The following SAMMSON variants were observed in gnomAD, a reference collection of about 807,000 sequenced individuals.
SAMMSON encodes the protein long intergenic non-protein coding RNA 1212.
chr3:70,163,237 G>T (rs2067623372), intron 4 of SAMMSON, among the ~76,000 whole-genome samples: 1 of 150,090 alleles, frequency 6.7e-6, no homozygotes, highest in Admixed American at 6.7e-5. Flanking sequence ...CACCACTACT[G>T]CCCTCTTTTG....
At chr3:70,055,917 C>CA (rs1559782124) in intron 3 of SAMMSON, among the ~76,000 whole-genome samples, 1 of 151,996 alleles carries the variant, frequency 6.6e-6, no homozygotes, top group Non-Finnish European at 1.5e-5. Context: ...TTCATTTACT[C>CA]AGAGATATTT....
rs1014060946 is a variant in SAMMSON, at chr3:70,418,086, A to G, written n.234-44474A>G. Among the ~76,000 whole-genome samples, 4 of 152,304 alleles carry G rather than the reference A, an allele frequency of 2.6e-5. No individual in the cohort carries two copies. In the South Asian group the frequency reaches 8.3e-4, roughly 32 times the overall value. ...GCCACATTATTGGATCAATAATCTG[A>G]CCACTAATCTCAAGTATTTCTGTCT... On this transcript the variant is annotated intron_variant and non_coding_transcript_variant, in intron 2 of 3. Transcript: ENST00000641053.
At chr3:70,268,239 G>A (rs1004129480) in intron 6 of SAMMSON, among the ~76,000 whole-genome samples, 3 of 152,142 alleles carry the variant, frequency 2.0e-5, no homozygotes, top group African/African-American at 7.2e-5. Context: ...GGGGGGCCAA[G>A]GCAGGCAGAT....
At chr3:70,093,721 G>A (rs1455682419) in intron 4 of SAMMSON, among the ~76,000 whole-genome samples, 2 of 152,134 alleles carry the variant, frequency 1.3e-5, no homozygotes, top group Non-Finnish European at 2.9e-5. Flanking sequence ...ATGTGGCACG[G>A]TGGAGTGGGC....
chr3:70,239,522 T>G (rs566929386), intron 4 of SAMMSON, among the ~76,000 whole-genome samples: 1 of 129,888 alleles, frequency 7.7e-6, no homozygotes, highest in South Asian at 2.3e-4. Flanking sequence ...GCCAATCACT[T>G]TCTAGGGAGT....
intron 2 of SAMMSON, among the ~76,000 whole-genome samples, chr3:70,397,534 A>C (rs1417157044): frequency 2.0e-5 from 3 of 152,164 alleles, no homozygotes; most frequent in Non-Finnish European, 4.4e-5. Context: ...AAGGGGACAT[A>C]CAATGTTCTG....
At chr3:70,172,839 A>G (rs1031221070) in intron 4 of SAMMSON, 1 of 152,048 alleles carries the variant, frequency 6.6e-6, no homozygotes, top group African/African-American at 2.4e-5. Flanking sequence ...TTAATTTTAA[A>G]AAAGAAGAGA....
chr3:70,311,784 T>G (rs1702455706), intron 7 of SAMMSON: 1 of 392,658 alleles, frequency 2.5e-6, no homozygotes. Flanking sequence ...TACTACTATT[T>G]GAACGGTCAG....
At chr3:70,017,045 G>A (rs367638029) in intron 3 of SAMMSON, among the ~76,000 whole-genome samples, 33 of 152,162 alleles carry the variant, frequency 2.2e-4, no homozygotes, top group Admixed American at 8.5e-4. Flanking sequence ...TGTTCTTTTG[G>A]CTTAGGATTG....
chr3:70,165,414 C>G (rs534287553), intron 4 of SAMMSON, among the ~76,000 whole-genome samples: 1 of 151,886 alleles, frequency 6.6e-6, no homozygotes, highest in African/African-American at 2.4e-5. Flanking sequence ...AGAAGAGGCC[C>G]CAGAGAGTTT....
intron 1 of SAMMSON, among the ~76,000 whole-genome samples, chr3:70,003,800 A>G (rs1299203763): frequency 7.2e-5 from 11 of 152,000 alleles, no homozygotes; most frequent in Admixed American, 5.9e-4. Context: ...ACTTTTTAAT[A>G]TATTTTTTAG....
chr3:70,098,913 A>G (rs1436488981), intron 4 of SAMMSON, among the ~76,000 whole-genome samples: 1 of 152,144 alleles, frequency 6.6e-6, no homozygotes, highest in African/African-American at 2.4e-5. Flanking sequence ...TTGAAGCAAT[A>G]TAGATTATTA....
intron 4 of SAMMSON, among the ~76,000 whole-genome samples, chr3:70,111,104 AATG>A (rs2067387091): frequency 6.6e-6 from 1 of 152,118 alleles, no homozygotes; most frequent in Non-Finnish European, 1.5e-5. Context: ...TCCATTGGTA[AATG>A]ATGATTCTTC....
At chr3:70,242,534 A>G (rs902488273) in intron 4 of SAMMSON, among the ~76,000 whole-genome samples, 1 of 152,160 alleles carries the variant, frequency 6.6e-6, no homozygotes, top group Non-Finnish European at 1.5e-5. Context: ...CCTCATTGCA[A>G]TCCTTTCCAA....
At chr3:70,341,364 A>G (rs956532775) in intron 7 of SAMMSON, among the ~76,000 whole-genome samples, 24 of 152,204 alleles carry the variant, frequency 1.6e-4, no homozygotes, top group African/African-American at 5.5e-4. Context: ...AACCAAGAAT[A>G]TTGTTTTTTT....
rs1043503912 is a variant in SAMMSON at position 70,107,707 on chromosome 3, A to C, written n.507+36142A>C. Among the ~76,000 whole-genome samples the C allele has an allele frequency of 5.9e-5, 9 of 151,858 alleles. 1 individual carries two copies. The highest frequency in any genetic ancestry group is 2.6e-4 in the Admixed American group (4 of 15,250). ...AAAAGAGATCATAAAAGGAAAATAG[A>C]TTTGTCATACGAATTAATAGGATAT... On this transcript the variant is annotated intron_variant and non_coding_transcript_variant, in intron 4 of 9. Coordinates refer to ENST00000642114, the Ensembl canonical transcript of SAMMSON.
intron 3 of SAMMSON, among the ~76,000 whole-genome samples, chr3:70,057,819 T>G (rs2067173535): frequency 6.6e-6 from 1 of 151,974 alleles, no homozygotes; most frequent in African/African-American, 2.4e-5. Context: ...ATTAATCAAG[T>G]TTTACAATTC....
At chr3:70,122,490 A>G (rs2067439182) in intron 4 of SAMMSON, among the ~76,000 whole-genome samples, 1 of 152,244 alleles carries the variant, frequency 6.6e-6, no homozygotes, top group Non-Finnish European at 1.5e-5. Flanking sequence ...TTACAGGCCT[A>G]TGCCATTGCA....
chr3:70,203,727 A>G (rs1162942015), intron 4 of SAMMSON, among the ~76,000 whole-genome samples: 2 of 152,138 alleles, frequency 1.3e-5, no homozygotes, highest in African/African-American at 4.8e-5. Context: ...TCTTGTATTT[A>G]TGATTTTCCT....
Sources: gnomAD v4.1 joint callset for allele counts (sites outside exome capture counted in the v4.1 genomes callset) on GRCh38, gnomAD v4.1.1 for gene constraint, MANE v1.5 for transcripts, NCBI Gene and HGNC (gene_info 2026-07-23, HGNC 2026-07-21) for gene names.